RBM18: variants seen among roughly 807,000 people sequenced by gnomAD.
RBM18 encodes probable RNA-binding protein 18.
A neutral mutation model predicts 26.4 loss-of-function variants in RBM18; 18 were observed. The observed-to-expected ratio is 0.68, with a 90% CI of 0.47 to 1.01. The LOEUF is 1.01. Ranked by LOEUF, RBM18 falls within the 50% of genes least tolerant of loss-of-function variation. The pLI is 0.00. For synonymous variants in RBM18, 74 were observed against 81.1 expected (o/e 0.91, Z 0.47); for missense variants, 180 against 219.2 (o/e 0.82, Z 1.13).
intron 5 of RBM18, chr9:122,243,858 G>A: frequency 1.0e-6 from 1 of 985,192 alleles, no homozygotes; most frequent in Non-Finnish European, 1.2e-6. Flanking sequence ...AGAGATGTAA[G>A]CTGAGGTCCT....
rs1831559526 is a variant in RBM18, at chr9:122,249,318, A to G, written c.241-1714T>C. ...AAGTTAGGAGACTTGCTCAAAGTTA[A>G]TAAATAAAAGAGCCAGAAATATAAA... On this transcript the variant is annotated intron_variant, in intron 3 of 5. Transcript: ENST00000417201. Among the ~76,000 whole-genome samples, 5 of 152,214 alleles carry G rather than the reference A, an allele frequency of 3.3e-5. No homozygotes were observed. The South Asian group carries it at 1.0e-3, about 32-fold the overall frequency.
At chr9:122,260,565 T>C (rs973143582) in intron 2 of RBM18, among the ~76,000 whole-genome samples, 11 of 152,110 alleles carry the variant, frequency 7.2e-5, no homozygotes, top group African/African-American at 2.7e-4. Context: ...ATTCAATCAA[T>C]TTCGTGAACT....
At chr9:122,247,467 GA>G in intron 4 of RBM18, 50 bp downstream of exon 4, 1 of 1,493,282 alleles carries the variant, frequency 6.7e-7, no homozygotes, top group Non-Finnish European at 9.3e-7. Context: ...CCATCTTTCA[GA>G]AGGCTTGTTT....
chr9:122,257,198 C>T (rs1359487806), intron 2 of RBM18, among the ~76,000 whole-genome samples: 1 of 152,164 alleles, frequency 6.6e-6, no homozygotes, highest in Admixed American at 6.5e-5. Context: ...GCCTCAGCCT[C>T]CCGAGTAGCT....
chr9:122,241,118 C>T lies in RBM18; in HGVS notation c.*766G>A, dbSNP rs1588375374. ...TTTAAAAGTCCCATGATAATAGCAA[C>T]ATTTGTTATTATAGAAGGCATGGTT... On this transcript the variant is annotated 3_prime_UTR_variant, in exon 6 of 6. Transcript: ENST00000417201. 1 of 152,066 alleles carries T rather than the reference C, an allele frequency of 6.6e-6. No homozygotes were observed. Among genetic ancestry groups the T allele is most frequent in the Admixed American group, 6.6e-5 (1 of 15,260 alleles). The allele number at this position is 152,066 out of a possible 1,614,324, so 9.4% of individuals were successfully genotyped here. A position where few individuals can be genotyped will look rare whatever the true frequency, so the allele number is the denominator to read the frequency against.
intron 3 of RBM18, among the ~76,000 whole-genome samples, chr9:122,249,286 C>T (rs907715613): frequency 2.6e-5 from 4 of 151,800 alleles, no homozygotes; most frequent in African/African-American, 9.7e-5. Context: ...AAAATTGAGG[C>T]CAAAAGAAGT....
At position 122,238,482 on chromosome 9, in the gene RBM18, G is replaced by C. The variant is rs190564964; in HGVS notation, c.*3402C>G. ...GAGCAGAGACATGAGTCAGGTGAGA[G>C]AGCGGGCTCTGCGGCTATCTGGAGA... On this transcript the variant is annotated 3_prime_UTR_variant, in exon 6 of 6. Coordinates refer to ENST00000417201, the MANE Select transcript of RBM18 (RefSeq NM_033117.4). The C allele has an allele frequency of 6.6e-6, 1 of 152,344 alleles. No individual in the cohort carries two copies. The highest frequency in any genetic ancestry group is 1.9e-4 in the East Asian group (1 of 5,188). 9.4% of individuals were successfully genotyped at this position (152,344 alleles called of 1,614,324 possible). A position where few individuals can be genotyped will look rare whatever the true frequency, so the allele number is the denominator to read the frequency against.
chr9:122,242,040 G>A lies in RBM18; in HGVS notation c.417C>T (p.Val139=). The change falls in exon 6 of 6, where the codon GTC becomes GTT. Residue 139 remains valine (V), a synonymous_variant. Coordinates refer to ENST00000417201, the MANE Select transcript of RBM18 (RefSeq NM_033117.4). ...STEPTQSNLS[V]TAKIKAIEAK... ...CTTCAATGGCTTTTATCTTTGCAGT[G>A]ACACTGGAAAAATAATAGCAGAGGA... 3 of 1,613,848 alleles carry A rather than the reference G, an allele frequency of 1.9e-6. No individual in the cohort carries two copies. Among genetic ancestry groups the A allele is most frequent in the Non-Finnish European group, 2.5e-6 (3 of 1,179,914 alleles).
chr9:122,260,359 A>AACAAAC (rs1396051060), intron 2 of RBM18, among the ~76,000 whole-genome samples: 2 of 152,046 alleles, frequency 1.3e-5, no homozygotes, highest in African/African-American at 4.8e-5. Flanking sequence ...CAAAAACAAA[A>AACAAAC]ACAAACAAAC....
chr9:122,258,537 G>T (rs1350732426), intron 2 of RBM18, among the ~76,000 whole-genome samples: 1 of 152,078 alleles, frequency 6.6e-6, no homozygotes, highest in Non-Finnish European at 1.5e-5. Flanking sequence ...AAAGTGCTGG[G>T]ATTACAGGTG....
At position 122,240,899 on chromosome 9, in the gene RBM18, C is replaced by T. The variant is rs911137104; in HGVS notation, c.*985G>A. The T allele has an allele frequency of 6.6e-6, 1 of 152,216 alleles. No homozygotes were observed. Among genetic ancestry groups the T allele is most frequent in the East Asian group, 1.9e-4 (1 of 5,196 alleles). 9.4% of individuals were successfully genotyped at this position (152,216 alleles called of 1,614,324 possible). ...GCCCACTGCATGTCCTCTCCTCGTCCTGCACAAGATAATGCAATCTCTTCC... is the reference window on the plus strand; with the variant it reads ...GCCCACTGCATGTCCTCTCCTCGTCTTGCACAAGATAATGCAATCTCTTCC... On this transcript the variant is annotated 3_prime_UTR_variant, in exon 6 of 6. Coordinates refer to ENST00000417201, the MANE Select transcript of RBM18 (RefSeq NM_033117.4).
intron 1 of RBM18, among the ~76,000 whole-genome samples, chr9:122,262,299 A>T (rs912553834): frequency 1.7e-4 from 12 of 72,390 alleles, no homozygotes; most frequent in African/African-American, 3.8e-4. Context: ...GTTACTTAAC[A>T]GCTGTTGGCC....
intron 5 of RBM18, among the ~76,000 whole-genome samples, chr9:122,242,572 A>T (rs1356117324): frequency 6.6e-6 from 1 of 152,202 alleles, no homozygotes; most frequent in Non-Finnish European, 1.5e-5. Context: ...AATCCTATAC[A>T]ATCTCTTTTT....
Position 122,243,733 on chromosome 9 carries a change from T to C in RBM18, c.413+1523A>G, listed in dbSNP as rs1588377213. The stretch of plus-strand genomic sequence containing the variant: ...AACTAAGTTACAAGAAAAAGAACAC[T>C]GATATATTACCGAGATGCATTCTGG... On this transcript the variant is annotated intron_variant, in intron 5 of 5. Coordinates refer to ENST00000417201, the MANE Select transcript of RBM18 (RefSeq NM_033117.4). 4.1e-6 allele frequency: 4 copies of C among 985,342 alleles called. No homozygotes were observed. The South Asian group carries it at 1.4e-4, about 35-fold the overall frequency. 61.0% of individuals were successfully genotyped at this position (985,342 alleles called of 1,614,324 possible).
At chr9:122,252,881 A>C (rs1335709800) in intron 2 of RBM18, among the ~76,000 whole-genome samples, 2 of 152,224 alleles carry the variant, frequency 1.3e-5, no homozygotes, top group Admixed American at 1.3e-4. Flanking sequence ...CAGAGCTTTT[A>C]AGTTATTCAA....
Position 122,248,877 on chromosome 9 carries a change from T to C in RBM18, c.241-1273A>G, listed in dbSNP as rs117687670. On this transcript the variant is annotated intron_variant, in intron 3 of 5. Coordinates refer to ENST00000417201, the MANE Select transcript of RBM18 (RefSeq NM_033117.4). ...TCTGGTTTTACTGGTGATTCTCTTGTTCCTCCAGAACCTACCAGTATGACA... is the reference window on the plus strand; with the variant it reads ...TCTGGTTTTACTGGTGATTCTCTTGCTCCTCCAGAACCTACCAGTATGACA... 7.8e-3 allele frequency among the ~76,000 whole-genome samples: 1,193 copies of C among 152,336 alleles called. 7 individuals carry two copies. The highest frequency in any genetic ancestry group is 0.031 in the Middle Eastern group (9 of 294).
chr9:122,258,556 C>T (rs544003350), intron 2 of RBM18, among the ~76,000 whole-genome samples: 16 of 152,132 alleles, frequency 1.1e-4, no homozygotes, highest in African/African-American at 3.4e-4. Flanking sequence ...TGTGAACCAC[C>T]GTGCTCAGTG....
intron 2 of RBM18, among the ~76,000 whole-genome samples, chr9:122,256,273 T>C (rs1249627219): frequency 6.6e-6 from 1 of 152,246 alleles, no homozygotes; most frequent in Non-Finnish European, 1.5e-5. Context: ...CATTTTCTAC[T>C]TAACACATAA....
chr9:122,242,449 G>A (rs1831436316), intron 5 of RBM18, among the ~76,000 whole-genome samples: 1 of 152,116 alleles, frequency 6.6e-6, no homozygotes, highest in Admixed American at 6.5e-5. Flanking sequence ...AGGTTCATTT[G>A]CCCAATGTTA....
Sources: allele counts gnomAD v4.1 joint callset (sites outside exome capture counted in the v4.1 genomes callset), GRCh38; gene constraint gnomAD v4.1.1; transcripts MANE v1.5; gene names NCBI Gene and HGNC (gene_info 2026-07-23, HGNC 2026-07-21).